Variants in SLC16A10 observed in about 807,000 individuals in gnomAD.
The protein encoded by SLC16A10 is solute carrier family 16 member 10.
In SLC16A10, 27 loss-of-function variants were observed where a neutral mutation model predicts 40.0. The observed-to-expected ratio is 0.67, with a 90% confidence interval of 0.50 to 0.93. The LOEUF is 0.93. Among genes scored for constraint, SLC16A10 ranks in the 40% least tolerant of loss-of-function variants. SLC16A10 has a pLI of 0.00. For missense variants in SLC16A10, 529 were observed against 658.2 expected (o/e 0.80, Z 2.15); for synonymous variants, 213 against 249.8 (o/e 0.85, Z 1.39).
At position 111,226,235 on chromosome 6, in the gene SLC16A10, T is replaced by G. The variant is rs765869731; in HGVS notation, c.*4000T>G. ...TTTTCAGAGAGCGTAATTTTTTACT[T>G]TGATTTCCAGTTTCACTAAGGTTTC... On this transcript the variant is annotated 3_prime_UTR_variant, in exon 6 of 6. Transcript: ENST00000368851. The G allele has an allele frequency of 6.6e-6, 1 of 152,198 alleles. No individual in the cohort carries two copies. The highest frequency in any genetic ancestry group is 6.5e-5 in the Admixed American group (1 of 15,282). The allele number at this position is 152,198 out of a possible 1,614,324, so 9.4% of individuals were successfully genotyped here.
intron 3 of SLC16A10, among the ~76,000 whole-genome samples, chr6:111,183,630 A>G: frequency 6.6e-6 from 1 of 152,220 alleles, no homozygotes; most frequent in African/African-American, 2.4e-5. Flanking sequence ...ACATGGTGTT[A>G]TTAATATTTA....
intron 1 of SLC16A10, among the ~76,000 whole-genome samples, chr6:111,109,169 CA>C (rs1771340248): frequency 1.3e-5 from 2 of 152,178 alleles, no homozygotes; most frequent in Non-Finnish European, 2.9e-5. Context: ...ACCACCATCA[CA>C]ATCATAATAT....
At chr6:111,138,865 G>T (rs1312921818) in intron 1 of SLC16A10, among the ~76,000 whole-genome samples, 2 of 152,088 alleles carry the variant, frequency 1.3e-5, no homozygotes, top group Non-Finnish European at 2.9e-5. Flanking sequence ...ATATAAGAAG[G>T]ACTTGGTTGC....
At chr6:111,212,651 G>C (rs1773362575) in intron 4 of SLC16A10, among the ~76,000 whole-genome samples, 1 of 152,044 alleles carries the variant, frequency 6.6e-6, no homozygotes, top group African/African-American at 2.4e-5. Context: ...AAGTTAGCTG[G>C]ACATGGTGGC....
chr6:111,220,862 G>A (rs1331589384), intron 5 of SLC16A10, among the ~76,000 whole-genome samples: 1 of 152,226 alleles, frequency 6.6e-6, no homozygotes, highest in Non-Finnish European at 1.5e-5. Flanking sequence ...ACTGGCAGCA[G>A]AAAGCTGCTG....
Position 111,100,527 on chromosome 6 carries a change from T to TACAG in SLC16A10, c.343+12433_343+12436dup, listed in dbSNP as rs1371005653. ...CTTCAGCTTCCTGAGTAGCTAGGAT[T>TACAG]ACAGGCATGCACCTCCATCCCCAGC... On this transcript the variant is annotated intron_variant, in intron 1 of 5. Transcript: ENST00000368851. Among the ~76,000 whole-genome samples the TACAG allele has an allele frequency of 2.6e-5, 4 of 152,122 alleles. No individual in the cohort carries two copies. In the East Asian group the frequency reaches 7.7e-4, roughly 29 times the overall value.
intron 1 of SLC16A10, among the ~76,000 whole-genome samples, chr6:111,114,450 A>C (rs888353292): frequency 2.0e-5 from 3 of 152,246 alleles, no homozygotes; most frequent in African/African-American, 7.2e-5. Context: ...AAGGGGGAAA[A>C]TTGCCACTTA....
chr6:111,088,638 G>A (rs1401188810), intron 1 of SLC16A10, among the ~76,000 whole-genome samples: 2 of 152,124 alleles, frequency 1.3e-5, no homozygotes, highest in South Asian at 4.1e-4. Context: ...TCACGGTTCC[G>A]TGCGTTCCCG....
At chr6:111,094,437 A>G (rs4945876) in intron 1 of SLC16A10, among the ~76,000 whole-genome samples, 39,828 of 152,084 alleles carry the variant, frequency 0.26, 6,957 homozygotes, top group African/African-American at 0.51. Flanking sequence ...TTCTGAATCC[A>G]TATTCCTCCT....
chr6:111,131,189 C>A lies in SLC16A10; in HGVS notation c.344-41506C>A, dbSNP rs192345955. Among the ~76,000 whole-genome samples, 591 of 152,358 alleles carry A rather than the reference C, an allele frequency of 3.9e-3. 1 individual carries two copies. Among genetic ancestry groups the A allele is most frequent in the Non-Finnish European group, 6.9e-3 (470 of 68,036 alleles). ...CGCAGACCCGCCGCTGACTTCCACC[C>A]CTCTGGATCCGGCAGGGTGTCCACT... On this transcript the variant is annotated intron_variant, in intron 1 of 5. Transcript: ENST00000368851.
At chr6:111,178,022 A>C (rs1176912032) in intron 3 of SLC16A10, among the ~76,000 whole-genome samples, 4 of 152,208 alleles carry the variant, frequency 2.6e-5, no homozygotes, top group South Asian at 2.1e-4. Flanking sequence ...AATAAAATAA[A>C]TGTCCCCAAA....
At chr6:111,198,814 C>T (rs1478813578) in intron 3 of SLC16A10, among the ~76,000 whole-genome samples, 2 of 152,208 alleles carry the variant, frequency 1.3e-5, no homozygotes, top group Admixed American at 1.3e-4. Context: ...GACTTTATCA[C>T]TAGATCAGTC....
At chr6:111,180,447 G>A (rs923184104) in intron 3 of SLC16A10, among the ~76,000 whole-genome samples, 7 of 152,194 alleles carry the variant, frequency 4.6e-5, no homozygotes, top group African/African-American at 1.7e-4. Flanking sequence ...TACTTGGGAG[G>A]CTGGGGTGGA....
chr6:111,096,722 C>T (rs1238124762), intron 1 of SLC16A10, among the ~76,000 whole-genome samples: 10 of 152,286 alleles, frequency 6.6e-5, no homozygotes, highest in African/African-American at 2.4e-4. Flanking sequence ...TAATTATGGG[C>T]ATAAGTATGA....
chr6:111,135,052 T>G (rs1336622490), intron 1 of SLC16A10, among the ~76,000 whole-genome samples: 6 of 152,140 alleles, frequency 3.9e-5, no homozygotes, highest in Non-Finnish European at 8.8e-5. Flanking sequence ...CTGGGGAACT[T>G]TACTGTTTTC....
chr6:111,113,508 A>G (rs1243495837), intron 1 of SLC16A10, among the ~76,000 whole-genome samples: 14 of 152,186 alleles, frequency 9.2e-5, no homozygotes, highest in Admixed American at 5.2e-4. Context: ...TTTAACTCTC[A>G]AGCTAAAACT....
chr6:111,124,924 C>T (rs897531861), intron 1 of SLC16A10, among the ~76,000 whole-genome samples: 3 of 152,078 alleles, frequency 2.0e-5, no homozygotes, highest in Non-Finnish European at 4.4e-5. Context: ...TGTACATTTT[C>T]TGGGAGTTTT....
intron 3 of SLC16A10, among the ~76,000 whole-genome samples, chr6:111,190,667 T>C (rs1473382469): frequency 1.3e-5 from 2 of 152,250 alleles, no homozygotes; most frequent in Admixed American, 6.5e-5. Flanking sequence ...ATGTGGAAGC[T>C]GCCAAGGCTT....
rs73765922 is a variant in SLC16A10 at position 111,106,738 on chromosome 6, T to A, written c.343+18643T>A. 1.7e-3 allele frequency among the ~76,000 whole-genome samples: 256 copies of A among 152,356 alleles called. 3 individuals carry two copies. The highest frequency in any genetic ancestry group is 5.6e-3 in the African/African-American group (234 of 41,578). On this transcript the variant is annotated intron_variant, in intron 1 of 5. Transcript: ENST00000368851. ...TAATGATAAGTGAATAGAAACTAGT[T>A]GCCTTCAACCCTTTCCTCCCTGCAT...
Sources: allele counts gnomAD v4.1 joint callset (sites outside exome capture counted in the v4.1 genomes callset), GRCh38; gene constraint gnomAD v4.1.1; transcripts MANE v1.5; gene names NCBI Gene and HGNC (gene_info 2026-07-23, HGNC 2026-07-21).